CYB5RL: variants seen among roughly 807,000 people sequenced by gnomAD.
CYB5RL encodes the protein NADH-cytochrome b5 reductase-like.
A neutral mutation model predicts 37.5 loss-of-function variants in CYB5RL; 38 were observed. The ratio of observed to expected loss-of-function variants is 1.01; its 90% CI spans 0.78 to 1.33. The LOEUF (loss-of-function observed/expected upper bound fraction) is 1.33, where lower values mean the gene tolerates loss of function less well. Ranked by LOEUF, CYB5RL falls within the 40% of genes most tolerant of loss-of-function variation. The probability of loss-of-function intolerance (pLI) is 0.00; values close to 1 mark genes in which losing one functional copy is unlikely to be tolerated. For missense variants in CYB5RL, 388 were observed against 394.4 expected (o/e 0.98, Z 0.14); for synonymous variants, 141 against 151.9 (o/e 0.93, Z 0.53).
intron 4 of CYB5RL, 108 bp from the exon 5 acceptor site, chr1:54,187,847 G>T: frequency 6.6e-6 from 6 of 903,038 alleles, no homozygotes; most frequent in Non-Finnish European, 8.9e-6. Flanking sequence ...AGGCCGAGGT[G>T]GGCTGATCAC....
chr1:54,174,949 G>C, intron 7 of CYB5RL, 127 bp from the exon 8 acceptor site: 1 of 866,268 alleles, frequency 1.2e-6, no homozygotes, highest in East Asian at 2.7e-5. Context: ...CCTATATCCA[G>C]GCCCACCATG....
At chr1:54,189,839 A>T (rs1438066430) in intron 4 of CYB5RL, among the ~76,000 whole-genome samples, 1 of 152,236 alleles carries the variant, frequency 6.6e-6, no homozygotes, top group Non-Finnish European at 1.5e-5. Flanking sequence ...GCAAGTGGCC[A>T]GAGTCTGAGC....
chr1:54,187,253 T>C lies in CYB5RL; in HGVS notation c.435+399A>G, dbSNP rs572462275. ...CTCCTCCTGGCTCTCAGGCTGGGTA[T>C]AGTTCCTAGAAGACTTGTTCTATTT... On this transcript the variant is annotated intron_variant, in intron 5 of 7. Coordinates refer to ENST00000534324, the MANE Select transcript of CYB5RL (RefSeq NM_001031672.4). Among the ~76,000 whole-genome samples, 14 of 152,302 alleles carry C rather than the reference T, an allele frequency of 9.2e-5. No individual in the cohort carries two copies. The East Asian group carries it at 9.6e-4, about 10-fold the overall frequency.
intron 1 of CYB5RL, among the ~76,000 whole-genome samples, chr1:54,197,204 A>T (rs553670884): frequency 6.6e-6 from 1 of 152,294 alleles, no homozygotes; most frequent in South Asian, 2.1e-4. Flanking sequence ...AGAGAAAAAC[A>T]GGTGCAGGTG....
At chr1:54,179,093 G>A (rs1660090768) in intron 7 of CYB5RL, 56 bp downstream of exon 7, 2 of 1,564,330 alleles carry the variant, frequency 1.3e-6, no homozygotes, top group Non-Finnish European at 8.7e-7. Context: ...CTCAGGACAG[G>A]TGCAAAGGGA....
At chr1:54,194,780 G>A (rs1245652052) in intron 3 of CYB5RL, among the ~76,000 whole-genome samples, 1 of 152,214 alleles carries the variant, frequency 6.6e-6, no homozygotes, top group Non-Finnish European at 1.5e-5. Flanking sequence ...GACCAAGACA[G>A]GGACAGATTC....
At chr1:54,180,532 A>C (rs1660134136) in intron 6 of CYB5RL, among the ~76,000 whole-genome samples, 1 of 151,238 alleles carries the variant, frequency 6.6e-6, no homozygotes, top group Non-Finnish European at 1.5e-5. Flanking sequence ...TGATCCTGGG[A>C]GGCGGAGCTT....
At chr1:54,186,200 C>G (rs963601465) in intron 5 of CYB5RL, 2 of 152,260 alleles carry the variant, frequency 1.3e-5, no homozygotes, top group African/African-American at 4.8e-5. Flanking sequence ...AGAACTGACA[C>G]TGAACTTTTG....
intron 1 of CYB5RL, 31 bp downstream of exon 1, chr1:54,199,945 G>C (rs1436328404): frequency 4.6e-6 from 2 of 438,760 alleles, no homozygotes; most frequent in Non-Finnish European, 8.1e-6. Context: ...TGAAGTCCTG[G>C]AGCGATTCTC....
intron 7 of CYB5RL, among the ~76,000 whole-genome samples, chr1:54,175,191 GTTAGCTATC>G (rs1354102113): frequency 1.3e-5 from 2 of 152,290 alleles, no homozygotes; most frequent in East Asian, 3.9e-4. Flanking sequence ...TCTTTCCAAG[GTTAGCTATC>G]ATCATCACCC....
At chr1:54,184,314 A>G in intron 5 of CYB5RL, 49 bp from the exon 6 acceptor site, 2 of 1,510,446 alleles carry the variant, frequency 1.3e-6, no homozygotes, top group South Asian at 1.2e-5. Flanking sequence ...CATGCTGCCA[A>G]CACAAACCAG....
intron 5 of CYB5RL, chr1:54,185,047 G>C (rs1029064311): frequency 6.6e-6 from 1 of 152,214 alleles, no homozygotes; most frequent in Admixed American, 6.5e-5. Flanking sequence ...CTCCATGAAG[G>C]CAGCCAGTGC....
In CYB5RL at chr1:54,190,125, T is replaced by C. The variant is rs144124037; in HGVS notation, c.347+623A>G. Among the ~76,000 whole-genome samples the C allele has an allele frequency of 7.1e-3, 1,074 of 152,002 alleles. 8 individuals are homozygous for C. Among genetic ancestry groups the C allele is most frequent in the African/African-American group, 0.025 (1,022 of 41,414 alleles). ...AGCTCTACCTGGACATCCCAAAGGG[T>C]CTTGTCTCTGGGCAGGCAGGGGTGG... On this transcript the variant is annotated intron_variant, in intron 4 of 7. Transcript: ENST00000534324.
Position 54,192,878 on chromosome 1 carries a change from C to G in CYB5RL, c.199-1982G>C, listed in dbSNP as rs1486573451. On this transcript the variant is annotated intron_variant, in intron 3 of 7. Transcript: ENST00000534324. Reference sequence around the variant, plus strand: ...CAAACAATTCTCATGCCTCAGCCTCCCAAGTAGCTGGGACTACAGGTGCGT... The same window carrying G: ...CAAACAATTCTCATGCCTCAGCCTCGCAAGTAGCTGGGACTACAGGTGCGT... 5.3e-5 allele frequency among the ~76,000 whole-genome samples: 8 copies of G among 152,206 alleles called. No homozygotes were observed. The East Asian group carries it at 1.5e-3, about 29-fold the overall frequency.
intron 7 of CYB5RL, among the ~76,000 whole-genome samples, chr1:54,178,317 G>A (rs1033005224): frequency 1.8e-4 from 28 of 152,256 alleles, no homozygotes; most frequent in African/African-American, 5.8e-4. Context: ...CACAGCACCG[G>A]GCAAGAAGGC....
intron 3 of CYB5RL, among the ~76,000 whole-genome samples, chr1:54,192,196 T>C (rs906107297): frequency 4.0e-5 from 6 of 150,862 alleles, no homozygotes; most frequent in Non-Finnish European, 7.4e-5. Flanking sequence ...TTTTTTTTTT[T>C]TTTTTTGAGA....
chr1:54,183,713 C>T (rs145366146), intron 6 of CYB5RL, among the ~76,000 whole-genome samples: 3 of 152,290 alleles, frequency 2.0e-5, no homozygotes, highest in Non-Finnish European at 2.9e-5. Flanking sequence ...CGGTGGCTCA[C>T]GCCTGTAACC....
intron 3 of CYB5RL, among the ~76,000 whole-genome samples, chr1:54,192,181 A>ATT (rs11302690): frequency 2.7e-5 from 3 of 110,898 alleles, no homozygotes; most frequent in Non-Finnish European, 3.8e-5. Context: ...CTGTTTGCAA[A>ATT]TTTTTTTTTT....
rs1659959696 is a variant in CYB5RL, at chr1:54,174,098, A to G, written c.*521T>C. On this transcript the variant is annotated 3_prime_UTR_variant, in exon 8 of 8. Coordinates refer to ENST00000534324, the MANE Select transcript of CYB5RL (RefSeq NM_001031672.4). ...TCTCAGGATGTGGTCAAGTCATAGA[A>G]CCCAAGACCTTCATGTGTCAGGCTC... 5.8e-6 allele frequency: 1 copy of G among 172,204 alleles called. No homozygotes were observed. The highest frequency in any genetic ancestry group is 2.4e-5 in the African/African-American group (1 of 42,264). The allele number at this position is 172,204 out of a possible 1,614,324, so 10.7% of individuals were successfully genotyped here.
Sources: gnomAD v4.1 joint callset for allele counts (sites outside exome capture counted in the v4.1 genomes callset) on GRCh38, gnomAD v4.1.1 for gene constraint, MANE v1.5 for transcripts, NCBI Gene and HGNC (gene_info 2026-07-23, HGNC 2026-07-21) for gene names.